The following ACTL6B variants were observed in gnomAD, a reference collection of about 807,000 sequenced individuals.
The protein encoded by ACTL6B is actin like 6B.
ACTL6B carries 48 observed loss-of-function variants against 63.3 expected under a neutral mutation model. The ratio of observed to expected loss-of-function variants is 0.76; its 90% confidence interval spans 0.60 to 0.96. ACTL6B has a LOEUF of 0.96. ACTL6B is among the 50% of genes least tolerant of loss of function. The pLI is 0.00. For synonymous variants in ACTL6B, 230 were observed against 223.8 expected (o/e 1.03, Z -0.25); for missense variants, 350 against 572.2 (o/e 0.61, Z 3.96).
intron 4 of ACTL6B, among the ~76,000 whole-genome samples, chr7:100,650,796 T>G (rs912525406): frequency 6.6e-6 from 1 of 150,874 alleles, no homozygotes; most frequent in African/African-American, 2.4e-5. Context: ...AGGAAAAAGG[T>G]AAAGAGATGG....
In ACTL6B at chr7:100,655,832, C is replaced by A. The variant is rs1804029458; in HGVS notation, c.73G>T (p.Ala25Ser). The A allele has an allele frequency of 1.9e-6, 3 of 1,576,302 alleles. No homozygotes were observed. The highest frequency in any genetic ancestry group is 1.8e-5 in the Admixed American group (1 of 55,122). ...GGACAGTCCTCCCCAGCGTACCCAGCGCGGACTGAGAAGGAGCCAATGTCA... is the reference window on the plus strand; with the variant it reads ...GGACAGTCCTCCCCAGCGTACCCAGAGCGGACTGAGAAGGAGCCAATGTCA... ...VFDIGSFSVR[A>S]GYAGEDCPKA... The change falls in exon 2 of 14, where the codon GCT becomes TCT. Residue 25 changes from alanine to serine, a missense_variant. This residue lies in a region of ACTL6B where 250 missense variants were observed against 364.7 expected (regional missense o/e 0.69). Transcript: ENST00000160382. This position sits in a 1 kb window ranked among gnomAD's most constrained non-coding sequence, Gnocchi z 4.4.
chr7:100,646,952 C>T lies in ACTL6B; in HGVS notation c.936+19G>A, dbSNP rs1409122825. On this transcript the variant is annotated intron_variant, in intron 10 of 13. Coordinates refer to ENST00000160382, the MANE Select transcript of ACTL6B (RefSeq NM_016188.5). This position sits in a 1 kb window ranked among gnomAD's most constrained non-coding sequence, Gnocchi z 6.1. ...GACTGCAGCCAGCACCCACCCCAGT[C>T]CTCGCCACACAGCCAAACCTTGACG... 7.4e-6 allele frequency: 12 copies of T among 1,613,058 alleles called. No individual in the cohort carries two copies. The highest frequency in any genetic ancestry group is 9.3e-6 in the Non-Finnish European group (11 of 1,179,318).
intron 13 of ACTL6B, among the ~76,000 whole-genome samples, chr7:100,644,436 T>C (rs558332433): frequency 2.0e-5 from 3 of 152,178 alleles, no homozygotes; most frequent in African/African-American, 7.2e-5. Context: ...GTGCTCTAAG[T>C]GGAAAATACA....
intron 4 of ACTL6B, among the ~76,000 whole-genome samples, chr7:100,651,213 AC>A (rs968800866): frequency 5.5e-4 from 4 of 7,266 alleles, no homozygotes; most frequent in African/African-American, 5.2e-3. Context: ...GGTGAGACAC[AC>A]AAAAGTCTCA....
chr7:100,654,942 A>G (rs1011897744), intron 4 of ACTL6B, 77 bp downstream of exon 4: 3 of 1,222,264 alleles, frequency 2.5e-6, no homozygotes, highest in Non-Finnish European at 1.2e-6. Flanking sequence ...GCTTGAGGGG[A>G]GAGGAGGAGA....
intron 4 of ACTL6B, among the ~76,000 whole-genome samples, 176 bp from the exon 5 acceptor site, chr7:100,650,311 T>TGCATTCACTTGCACACACAC (rs1803915465): frequency 1.3e-5 from 2 of 150,568 alleles, no homozygotes; most frequent in South Asian, 2.1e-4. Flanking sequence ...CATACACACA[T>TGCATTCACTTGCACACACAC]GCATTCACTT....
chr7:100,646,368 A>G lies in ACTL6B; in HGVS notation c.1114-33T>C, dbSNP rs1427775381. 3 of 1,608,444 alleles carry G rather than the reference A, an allele frequency of 1.9e-6. No individual in the cohort carries two copies. Among genetic ancestry groups the G allele is most frequent in the Non-Finnish European group, 2.5e-6 (3 of 1,177,000 alleles). On this transcript the variant is annotated intron_variant, in intron 12 of 13. Transcript: ENST00000160382. The surrounding 1 kb of genome is among the most constrained non-coding windows in gnomAD (Gnocchi z 6.1). ...TAAAAAGGGGCTGGGGGAAGCAGAC[A>G]CCTAGGTTCTGGGAAGGGACAGGGC...
chr7:100,654,971 G>T, intron 4 of ACTL6B, 48 bp downstream of exon 4: 1 of 1,485,908 alleles, frequency 6.7e-7, no homozygotes, highest in South Asian at 1.1e-5. Context: ...GTGGGAAGGA[G>T]GTGCAGTGGA....
chr7:100,650,063 A>G lies in ACTL6B; in HGVS notation c.442T>C (p.Leu148=). ...GCGGTGAGCACAGCCGTCTTGCATA[A>G]GAAGAAGGCAGGAATGTTGTACTGC... ...FEQYNIPAFF[L]CKTAVLTAFA... is the part of the protein sequence containing the mutation. Residue 148 remains leucine (L), a synonymous_variant, in exon 5 of 14, where the codon TTA becomes CTA. Transcript: ENST00000160382. The G allele has an allele frequency of 1.2e-6, 2 of 1,613,904 alleles. No homozygotes were observed. Among genetic ancestry groups the G allele is most frequent in the Non-Finnish European group, 1.7e-6 (2 of 1,179,936 alleles).
chr7:100,647,388 G>T lies in ACTL6B; in HGVS notation c.759+56C>A. 1 of 1,595,656 alleles carries T rather than the reference G, an allele frequency of 6.3e-7. No homozygotes were observed. Among genetic ancestry groups the T allele is most frequent in the Non-Finnish European group, 8.6e-7 (1 of 1,164,524 alleles). ...CCCTCCCATGCGGGGCCTCTGTCCC[G>T]CCCCCGATTCATGGCAGGGGAGGGG... On this transcript the variant is annotated intron_variant, in intron 8 of 13. Transcript: ENST00000160382. The surrounding 1 kb of genome is among the most constrained non-coding windows in gnomAD (Gnocchi z 4.4).
At chr7:100,651,448 T>A (rs1317005050) in intron 4 of ACTL6B, among the ~76,000 whole-genome samples, 1 of 151,342 alleles carries the variant, frequency 6.6e-6, no homozygotes, top group Non-Finnish European at 1.5e-5. Context: ...CTACTTGGGA[T>A]GCTGAGGCAG....
rs1184772325 is a variant in ACTL6B at position 100,646,512 on chromosome 7, A to G, written c.1113+39T>C. 1.2e-6 allele frequency: 2 copies of G among 1,602,124 alleles called. No homozygotes were observed. The highest frequency in any genetic ancestry group is 1.7e-6 in the Non-Finnish European group (2 of 1,169,490). ...CTCAGTCCTGGACAGCTGAGCCAGGACGGGTGTCCAGGGCTCTGGGTCAGG... is the reference window on the plus strand; with the variant it reads ...CTCAGTCCTGGACAGCTGAGCCAGGGCGGGTGTCCAGGGCTCTGGGTCAGG... On this transcript the variant is annotated intron_variant, in intron 12 of 13. Transcript: ENST00000160382. The surrounding 1 kb of genome is among the most constrained non-coding windows in gnomAD (Gnocchi z 6.1).
chr7:100,647,158 C>T lies in ACTL6B; in HGVS notation c.821+65G>A, dbSNP rs1803839573. 3.1e-6 allele frequency: 5 copies of T among 1,605,854 alleles called. No homozygotes were observed. The highest frequency in any genetic ancestry group is 2.2e-5 in the East Asian group (1 of 44,834). On this transcript the variant is annotated intron_variant, in intron 9 of 13. Coordinates refer to ENST00000160382, the MANE Select transcript of ACTL6B (RefSeq NM_016188.5). This position sits in a 1 kb window ranked among gnomAD's most constrained non-coding sequence, Gnocchi z 4.4. ...AGTGCGTGGGCAGCACCAGAGCCCC[C>T]CAGCCCACCCCAAGAGTGCCGGTTC...
rs1056565846 is a variant in ACTL6B, at chr7:100,646,778, G to A, written c.990C>T (p.Ile330=). 2.5e-6 allele frequency: 4 copies of A among 1,613,438 alleles called. No individual in the cohort carries two copies. The highest frequency in any genetic ancestry group is 1.3e-5 in the African/African-American group (1 of 74,876). Residue 330 remains isoleucine (I), a synonymous_variant, in exon 11 of 14, where the codon ATC becomes ATT. Coordinates refer to ENST00000160382, the MANE Select transcript of ACTL6B (RefSeq NM_016188.5). This position sits in a 1 kb window ranked among gnomAD's most constrained non-coding sequence, Gnocchi z 6.1. ...LGVGHVVTTS[I]GMCDIDIRPG... is the part of the protein sequence containing the mutation. ...GGCGAATATCAATGTCACACATGCC[G>A]ATGCTGGTGGTCACCACGTGGCCCA... is the stretch of plus-strand genomic sequence containing the variant.
At position 100,643,298 on chromosome 7, in the gene ACTL6B, T is replaced by C. The variant is rs1803756649; in HGVS notation, c.1229A>G (p.Lys410Arg). The C allele has an allele frequency of 2.5e-6, 4 of 1,613,928 alleles. No homozygotes were observed. Among genetic ancestry groups the C allele is most frequent in the Non-Finnish European group, 3.4e-6 (4 of 1,179,970 alleles). The change falls in exon 14 of 14, where the codon AAG becomes AGG. Residue 410 changes from lysine to arginine, a missense_variant. By Grantham distance (26) the Lys-to-Arg change is conservative. Around this residue, in one of 3 missense-constraint regions of ACTL6B, gnomAD observed 76 missense variants for 126.1 expected, o/e 0.60. Transcript: ENST00000160382. Reference sequence around the variant, plus strand: ...CTTCCCGCCCTCCTCATATTCCTGCTTGGAGATCCACATCTGCTGGAAAGT... The same window carrying C: ...CTTCCCGCCCTCCTCATATTCCTGCCTGGAGATCCACATCTGCTGGAAAGT... ...LGTFQQMWIS[K>R]QEYEEGGKQC...
At position 100,647,106 on chromosome 7, in the gene ACTL6B, C is replaced by T. The variant is rs750515566; in HGVS notation, c.822-21G>A. ...CCACCCTACCCAGAAGGGAGCAGGACTCTGCCTGGGGTGCTCAAGAAGGAT... is the reference window on the plus strand; with the variant it reads ...CCACCCTACCCAGAAGGGAGCAGGATTCTGCCTGGGGTGCTCAAGAAGGAT... On this transcript the variant is annotated intron_variant, in intron 9 of 13. Transcript: ENST00000160382. This position sits in a 1 kb window ranked among gnomAD's most constrained non-coding sequence, Gnocchi z 4.4. 6 of 1,613,426 alleles carry T rather than the reference C, an allele frequency of 3.7e-6. No homozygotes were observed. Among genetic ancestry groups the T allele is most frequent in the Non-Finnish European group, 5.1e-6 (6 of 1,179,450 alleles).
chr7:100,647,432 C>G lies in ACTL6B; in HGVS notation c.759+12G>C, dbSNP rs1225984787. 5.0e-6 allele frequency: 8 copies of G among 1,611,828 alleles called. No individual in the cohort carries two copies. In the African/African-American group the frequency reaches 9.3e-5, roughly 19 times the overall value. ...GGAGGGGGGTTTCAGGTGGCCCTCT[C>G]CAGAGGCTCACATTACACATGTAGT... On this transcript the variant is annotated intron_variant, in intron 8 of 13. Transcript: ENST00000160382. This position sits in a 1 kb window ranked among gnomAD's most constrained non-coding sequence, Gnocchi z 4.4.
Position 100,647,891 on chromosome 7 carries a change from C to T in ACTL6B, c.670-358G>A, listed in dbSNP as rs1004478379. ...CAGCACCCTGGCTACTGCCTACTGC[C>T]GTTCCACTTTACATAAGACAAACCT... On this transcript the variant is annotated intron_variant, in intron 7 of 13. Transcript: ENST00000160382. The surrounding 1 kb of genome is among the most constrained non-coding windows in gnomAD (Gnocchi z 4.4). 2.6e-5 allele frequency among the ~76,000 whole-genome samples: 4 copies of T among 151,978 alleles called. No individual in the cohort carries two copies. The highest frequency in any genetic ancestry group is 4.4e-5 in the Non-Finnish European group (3 of 68,010).
chr7:100,655,972 G>T lies in ACTL6B; in HGVS notation c.26-93C>A. 7.6e-7 allele frequency: 1 copy of T among 1,322,098 alleles called. No individual in the cohort carries two copies. Among genetic ancestry groups the T allele is most frequent in the Non-Finnish European group, 1.0e-6 (1 of 966,038 alleles). The allele number at this position is 1,322,098 out of a possible 1,614,324, so 81.9% of individuals were successfully genotyped here. ...AAAGTCAGGGCAGAGCCACAGTCTC[G>T]CCACTTTCAACACCAGTCTGGGGCC... On this transcript the variant is annotated intron_variant, in intron 1 of 13. Transcript: ENST00000160382. The surrounding 1 kb of genome is among the most constrained non-coding windows in gnomAD (Gnocchi z 4.4).
Sources: gnomAD v4.1 joint callset for allele counts (sites outside exome capture counted in the v4.1 genomes callset) on GRCh38, gnomAD v4.1.1 for gene constraint, gnomAD v4.1.1 regional missense constraint, Gnocchi (gnomAD v3.1) non-coding constraint, MANE v1.5 for transcripts, NCBI Gene and HGNC (gene_info 2026-07-23, HGNC 2026-07-21) for gene names.